PDIA5: variants seen among roughly 807,000 people sequenced by gnomAD.
PDIA5 encodes the protein protein disulfide isomerase family A member 5, also known as protein disulfide-isomerase A5.
A neutral mutation model predicts 77.6 loss-of-function variants in PDIA5; 58 were observed. The ratio of observed to expected loss-of-function variants is 0.75; its 90% CI spans 0.61 to 0.93. The LOEUF (loss-of-function observed/expected upper bound fraction) is 0.93. PDIA5 is among the 40% of genes least tolerant of loss of function. The probability of loss-of-function intolerance (pLI) is 0.00; values close to 1 mark genes in which losing one functional copy is unlikely to be tolerated. For synonymous variants in PDIA5, 250 were observed against 252.1 expected (o/e 0.99, Z 0.08); for missense variants, 630 against 647.7 (o/e 0.97, Z 0.30).
At chr3:123,161,105 G>A (rs555013037) in intron 15 of PDIA5, among the ~76,000 whole-genome samples, 24 of 152,296 alleles carry the variant, frequency 1.6e-4, no homozygotes, top group African/African-American at 5.1e-4. Flanking sequence ...ACTCCAGGCC[G>A]AGTCCCCTAA....
intron 14 of PDIA5, among the ~76,000 whole-genome samples, chr3:123,151,899 GCCTGCCTTCCTTCCTGCCTTCCTTCCTT>G (rs1560562210): frequency 8.3e-6 from 1 of 120,650 alleles, no homozygotes; most frequent in Non-Finnish European, 1.8e-5. Context: ...CTTCCTTCCT[GCCTGCCTTCCTTCCTGCCTTCCTTCCTT>G]CCTGCCTTCC....
At chr3:123,145,375 A>G in intron 11 of PDIA5, 147 bp from the exon 12 acceptor site, 1 of 615,928 alleles carries the variant, frequency 1.6e-6, no homozygotes, top group Non-Finnish European at 2.9e-6. Context: ...GGATTATGCA[A>G]AATATTTCTT....
At chr3:123,145,215 T>G in intron 11 of PDIA5, 1 of 302,586 alleles carries the variant, frequency 3.3e-6, no homozygotes. Flanking sequence ...ATCCATAGAA[T>G]GGAGATAATG....
intron 1 of PDIA5, among the ~76,000 whole-genome samples, chr3:123,069,395 G>A (rs755607346): frequency 2.0e-5 from 3 of 152,178 alleles, no homozygotes; most frequent in Non-Finnish European, 2.9e-5. Context: ...CTCAATAATA[G>A]TGGCATGGTT....
chr3:123,086,505 G>A (rs75698262), intron 1 of PDIA5, among the ~76,000 whole-genome samples: 167 of 152,302 alleles, frequency 1.1e-3, no homozygotes, highest in African/African-American at 4.0e-3. Context: ...TGTAATTTTG[G>A]TCAGATTATT....
At chr3:123,117,939 T>A (rs2667462) in intron 8 of PDIA5, among the ~76,000 whole-genome samples, 37,791 of 152,138 alleles carry the variant, frequency 0.25, 5,478 homozygotes, top group African/African-American at 0.4. Context: ...CCATCTTTCA[T>A]GAAAGGTTAT....
chr3:123,083,224 G>A (rs751139225), intron 1 of PDIA5, among the ~76,000 whole-genome samples: 5 of 149,980 alleles, frequency 3.3e-5, no homozygotes, highest in East Asian at 2.0e-4. Flanking sequence ...GGGGAGGGGG[G>A]GTGCAGTGAA....
rs1935746452 is a variant in PDIA5 at position 123,145,562 on chromosome 3, G to A, written c.951G>A (p.Lys317=). The A allele has an allele frequency of 6.2e-7, 1 of 1,613,978 alleles. No homozygotes were observed. Among genetic ancestry groups the A allele is most frequent in the East Asian group, 2.2e-5 (1 of 44,872 alleles). The change falls in exon 12 of 17, where the codon AAG becomes AAA. Residue 317 remains lysine (K), a synonymous_variant. Coordinates refer to ENST00000316218, the MANE Select transcript of PDIA5 (RefSeq NM_006810.4). ...AGAAAATGAAGCCGGAGTTTGAGAA[G>A]GCAGCAGAAGCCCTCCATGGAGAAG... ...HCKKMKPEFE[K]AAEALHGEAD...
chr3:123,115,771 C>T (rs2245542), intron 7 of PDIA5, among the ~76,000 whole-genome samples: 27,902 of 152,244 alleles, frequency 0.18, 2,652 homozygotes, highest in Middle Eastern at 0.24. Context: ...CAAAAGTGAT[C>T]GTATTCGTGG....
At chr3:123,141,740 A>G (rs1935641748) in intron 11 of PDIA5, among the ~76,000 whole-genome samples, 1 of 152,154 alleles carries the variant, frequency 6.6e-6, no homozygotes, top group Admixed American at 6.5e-5. Context: ...ACTCCACTCT[A>G]TTTTAGTGAG....
At chr3:123,076,416 C>A (rs1933859014) in intron 1 of PDIA5, among the ~76,000 whole-genome samples, 1 of 152,158 alleles carries the variant, frequency 6.6e-6, no homozygotes, top group Admixed American at 6.5e-5. Context: ...CAGTGTAACC[C>A]AGTACACACT....
chr3:123,145,969 A>T, intron 12 of PDIA5, 130 bp from the exon 13 acceptor site: 1 of 811,558 alleles, frequency 1.2e-6, no homozygotes, highest in Non-Finnish European at 2.0e-6. Flanking sequence ...ATGGGAGCCC[A>T]CTGGGCTAGC....
intron 1 of PDIA5, among the ~76,000 whole-genome samples, chr3:123,087,897 T>C (rs1397504272): frequency 6.6e-6 from 1 of 152,218 alleles, no homozygotes; most frequent in East Asian, 1.9e-4. Context: ...AGGTTGTTTT[T>C]CTTATGCTCC....
chr3:123,067,319 C>G, intron 1 of PDIA5, 113 bp downstream of exon 1: 1 of 925,902 alleles, frequency 1.1e-6, no homozygotes, highest in Middle Eastern at 3.7e-4. Flanking sequence ...CCCGGGGCAC[C>G]GGGATGAGGG....
At chr3:123,087,081 T>A (rs1225796887) in intron 1 of PDIA5, among the ~76,000 whole-genome samples, 1 of 152,238 alleles carries the variant, frequency 6.6e-6, no homozygotes, top group Non-Finnish European at 1.5e-5. Flanking sequence ...AAGTTTTCAG[T>A]GATGTATTTT....
At chr3:123,080,161 G>T (rs1438516494) in intron 1 of PDIA5, among the ~76,000 whole-genome samples, 4 of 151,484 alleles carry the variant, frequency 2.6e-5, no homozygotes, top group Admixed American at 6.6e-5. Flanking sequence ...TGTGTGTGGG[G>T]GGGATTTAAC....
At position 123,111,007 on chromosome 3, in the gene PDIA5, G is replaced by C; in HGVS notation, c.541+3G>C. The C allele has an allele frequency of 6.2e-7, 1 of 1,611,694 alleles. No homozygotes were observed. The highest frequency in any genetic ancestry group is 8.5e-7 in the Non-Finnish European group (1 of 1,178,312). ...CCTGATCATGTTTTATGCCCCCTGT[G>C]AGTGAACTTTCTCCCTTGGGCCAGA... On this transcript the variant is annotated splice_donor_region_variant and intron_variant, in intron 7 of 16. Coordinates refer to ENST00000316218, the MANE Select transcript of PDIA5 (RefSeq NM_006810.4).
At chr3:123,134,421 G>A (rs962458833) in intron 11 of PDIA5, among the ~76,000 whole-genome samples, 7 of 152,138 alleles carry the variant, frequency 4.6e-5, no homozygotes, top group Non-Finnish European at 8.8e-5. Context: ...TCTCTGCCTG[G>A]AACTGATGGG....
At chr3:123,096,937 C>T (rs542784002) in intron 3 of PDIA5, among the ~76,000 whole-genome samples, 5 of 152,318 alleles carry the variant, frequency 3.3e-5, no homozygotes, top group South Asian at 2.1e-4. Context: ...TGCTAATTCC[C>T]GAGGCTGCGT....
Sources: gnomAD v4.1 joint callset for allele counts (sites outside exome capture counted in the v4.1 genomes callset) on GRCh38, gnomAD v4.1.1 for gene constraint, MANE v1.5 for transcripts, NCBI Gene and HGNC (gene_info 2026-07-23, HGNC 2026-07-21) for gene names.